Variants in SPATS1 observed in about 807,000 individuals in gnomAD.
SPATS1 encodes spermatogenesis associated serine rich 1.
Under a neutral mutation model 33.6 loss-of-function variants are expected in SPATS1, and 23 were observed. The observed-to-expected ratio is 0.68, with a 90% CI of 0.49 to 0.97. The LOEUF is 0.97. Ranked by LOEUF, SPATS1 falls within the 50% of genes least tolerant of loss-of-function variation. SPATS1 has a pLI of 0.00. For missense variants in SPATS1, 327 were observed against 361.0 expected (o/e 0.91, Z 0.76); for synonymous variants, 131 against 125.6 (o/e 1.04, Z -0.29).
chr6:44,354,037 CAA>C (rs34531075), intron 3 of SPATS1, among the ~76,000 whole-genome samples: 1 of 99,102 alleles, frequency 1.0e-5, no homozygotes, highest in East Asian at 3.0e-4. Context: ...GACTTCGCCT[CAA>C]AAAAAAAAAA....
intron 2 of SPATS1, 132 bp downstream of exon 2, chr6:44,343,366 CTGCTTGAATAGTAGCTTATGTTTG>C: frequency 9.6e-7 from 1 of 1,041,198 alleles, no homozygotes. Flanking sequence ...GTAAAAAGAG[CTGCTTGAATAGTAGCTTATGTTTG>C]TGCTAACCCA....
At chr6:44,353,292 G>C (rs1461080195) in intron 3 of SPATS1, among the ~76,000 whole-genome samples, 6 of 152,196 alleles carry the variant, frequency 3.9e-5, no homozygotes, top group Non-Finnish European at 7.3e-5. Context: ...ATTATCGTAA[G>C]AGTCACAATT....
chr6:44,375,295 G>A (rs1374127935), intron 7 of SPATS1, among the ~76,000 whole-genome samples: 1 of 152,188 alleles, frequency 6.6e-6, no homozygotes, highest in Non-Finnish European at 1.5e-5. Context: ...AGTGGGAAGC[G>A]TTACTACTCT....
At position 44,360,439 on chromosome 6, in the gene SPATS1, T is replaced by C. The variant is rs1272660782; in HGVS notation, c.288-7T>C. ...CACGTGGAAGAATCCTTCTGCTTTC[T>C]TTCCAGCACCACTGCTGACTTGGAT... On this transcript the variant is annotated splice_polypyrimidine_tract_variant and splice_region_variant and intron_variant, in intron 3 of 8. Transcript: ENST00000674044. The C allele has an allele frequency of 6.2e-7, 1 of 1,614,102 alleles. No individual in the cohort carries two copies.
rs541018380 is a variant in SPATS1 at position 44,369,041 on chromosome 6, T to C, written c.695+542T>C. On this transcript the variant is annotated intron_variant, in intron 6 of 8. Coordinates refer to ENST00000674044, the MANE Select transcript of SPATS1 (RefSeq NM_001372081.1). ...CCTCCCGAGTAGCTGGGACTACAGG[T>C]GCCCGCCACCACACCTGGGTAATTT... is the stretch of plus-strand genomic sequence containing the variant. 6.1e-3 allele frequency among the ~76,000 whole-genome samples: 933 copies of C among 151,836 alleles called. 10 individuals carry two copies. The highest frequency in any genetic ancestry group is 0.021 in the African/African-American group (861 of 41,420).
Position 44,343,130 on chromosome 6 carries a change from G to A in SPATS1, c.35G>A (p.Arg12Gln). The A allele has an allele frequency of 2.5e-6, 4 of 1,614,114 alleles. No individual in the cohort carries two copies. ...SPSMLTGNSPRGCRLPSISST... is the reference protein window; with the variant it reads ...SPSMLTGNSPQGCRLPSISST... ...TCCATGCTCACTGGAAACAGTCCAC[G>A]GGGCTGCCGTCTCCCCTCCATCTCA... The change falls in exon 2 of 9, where the codon CGG becomes CAG. Residue 12 changes from arginine to glutamine, a missense_variant. Coordinates refer to ENST00000674044, the MANE Select transcript of SPATS1 (RefSeq NM_001372081.1).
chr6:44,361,288 G>A, intron 4 of SPATS1: 1 of 967,188 alleles, frequency 1.0e-6, no homozygotes, highest in Non-Finnish European at 1.2e-6. Flanking sequence ...GGCACTGCAA[G>A]GTCCAGAAAC....
At chr6:44,345,446 T>A (rs1382857723) in intron 2 of SPATS1, among the ~76,000 whole-genome samples, 3 of 152,144 alleles carry the variant, frequency 2.0e-5, no homozygotes, top group Non-Finnish European at 4.4e-5. Context: ...GCTCGCTGCT[T>A]AGGGAAATGC....
Position 44,357,347 on chromosome 6 carries a change from T to G in SPATS1, c.288-3099T>G, listed in dbSNP as rs1788653142. Among the ~76,000 whole-genome samples, 2 of 152,118 alleles carry G rather than the reference T, an allele frequency of 1.3e-5. 1 individual carries two copies. Among genetic ancestry groups the G allele is most frequent in the South Asian group, 4.1e-4 (2 of 4,820 alleles). On this transcript the variant is annotated intron_variant, in intron 3 of 8. Transcript: ENST00000674044. Reference sequence around the variant, plus strand: ...TGCTATTCTCCTTTTTCTGGGGAATTGATTTTCACTCCTTCCTTACCCAGT... The same window carrying G: ...TGCTATTCTCCTTTTTCTGGGGAATGGATTTTCACTCCTTCCTTACCCAGT...
intron 7 of SPATS1, among the ~76,000 whole-genome samples, chr6:44,372,232 G>T (rs1264618017): frequency 7.0e-6 from 1 of 143,474 alleles, no homozygotes; most frequent in Non-Finnish European, 1.5e-5. Context: ...CCAGCCTGGC[G>T]ACAGAGTGAG....
intron 3 of SPATS1, among the ~76,000 whole-genome samples, chr6:44,354,153 G>A (rs965555248): frequency 4.6e-5 from 7 of 151,532 alleles, no homozygotes; most frequent in Admixed American, 4.6e-4. Context: ...GGGCAACACA[G>A]TGAGACTCCA....
intron 3 of SPATS1, among the ~76,000 whole-genome samples, chr6:44,358,270 A>G (rs1341471609): frequency 2.0e-5 from 3 of 152,204 alleles, no homozygotes; most frequent in Non-Finnish European, 2.9e-5. Flanking sequence ...TGACTTGATA[A>G]CAGATCATTG....
intron 7 of SPATS1, among the ~76,000 whole-genome samples, chr6:44,373,781 T>A (rs769209596): frequency 6.6e-6 from 1 of 152,240 alleles, no homozygotes; most frequent in Non-Finnish European, 1.5e-5. Context: ...GTCCCTATAA[T>A]GTGCAGTACG....
Position 44,377,038 on chromosome 6 carries a change from C to T in SPATS1, c.878C>T (p.Ala293Val), listed in dbSNP as rs772768058. 1 of 1,614,200 alleles carries T rather than the reference C, an allele frequency of 6.2e-7. No homozygotes were observed. Among genetic ancestry groups the T allele is most frequent in the South Asian group, 1.1e-5 (1 of 91,088 alleles). Residue 293 changes from alanine (A) to valine (V), a missense_variant, in exon 9 of 9, where the codon GCT becomes GTT. Physicochemically the swap from Ala to Val is moderately conservative, Grantham distance 64 (BLOSUM62 0). Transcript: ENST00000674044. ...AACTCCATGCCTCTATCCACAGGTG[C>T]TTTGGACTTTCCAAGACAATCCTGA... ...PLMHMLHLSGALDFPRQS is the reference protein window; with the variant it reads ...PLMHMLHLSGVLDFPRQS
intron 2 of SPATS1, among the ~76,000 whole-genome samples, chr6:44,352,262 C>T (rs2153365986): frequency 6.6e-6 from 1 of 152,272 alleles, no homozygotes; most frequent in South Asian, 2.1e-4. Context: ...TCCCAAATAG[C>T]TGGGATTACA....
chr6:44,370,094 C>A lies in SPATS1; in HGVS notation c.739C>A (p.Pro247Thr), dbSNP rs1472556728. ...KKFDTFIPLE[P>T]LPQIPNLPFW... Reference sequence around the variant, plus strand: ...ATTTGATACATTTATTCCACTTGAGCCTCTTCCACAAATTCCCAAGTGAGT... The same window carrying A: ...ATTTGATACATTTATTCCACTTGAGACTCTTCCACAAATTCCCAAGTGAGT... The change falls in exon 7 of 9, where the codon CCT (proline) becomes ACT (threonine). Residue 247 changes from proline to threonine, a missense_variant. Transcript: ENST00000674044. 1 of 1,612,094 alleles carries A rather than the reference C, an allele frequency of 6.2e-7. No individual in the cohort carries two copies. Among genetic ancestry groups the A allele is most frequent in the Admixed American group, 1.7e-5 (1 of 59,936 alleles).
At position 44,343,134 on chromosome 6, in the gene SPATS1, C is replaced by A; in HGVS notation, c.39C>A (p.Gly13=). 6.2e-7 allele frequency: 1 copy of A among 1,614,148 alleles called. No individual in the cohort carries two copies. Among genetic ancestry groups the A allele is most frequent in the Non-Finnish European group, 8.5e-7 (1 of 1,180,006 alleles). ...TGCTCACTGGAAACAGTCCACGGGG[C>A]TGCCGTCTCCCCTCCATCTCAAGCA... The part of the protein sequence containing the change: ...PSMLTGNSPR[G]CRLPSISSTT... The change falls in exon 2 of 9, where the codon GGC becomes GGA. Residue 13 remains glycine, a synonymous_variant. Transcript: ENST00000674044.
Position 44,377,391 on chromosome 6 carries a change from A to G in SPATS1, c.*328A>G. 1 of 342,186 alleles carries G rather than the reference A, an allele frequency of 2.9e-6. No individual in the cohort carries two copies. Among genetic ancestry groups the G allele is most frequent in the Admixed American group, 4.4e-5 (1 of 22,672 alleles). The allele number at this position is 342,186 out of a possible 1,614,324, so 21.2% of individuals were successfully genotyped here. On this transcript the variant is annotated 3_prime_UTR_variant, in exon 9 of 9. Transcript: ENST00000674044. ...AGATATTGTAACCCTTTACACCTGT[A>G]TACCTACATACCTCAGCATGTATCT...
At chr6:44,354,513 A>T (rs1176683348) in intron 3 of SPATS1, among the ~76,000 whole-genome samples, 2 of 152,088 alleles carry the variant, frequency 1.3e-5, no homozygotes, top group Admixed American at 6.6e-5. Context: ...TCTTTTGTAA[A>T]ACCTACTTTT....
Sources: allele counts gnomAD v4.1 joint callset (sites outside exome capture counted in the v4.1 genomes callset), GRCh38; gene constraint gnomAD v4.1.1; transcripts MANE v1.5; gene names NCBI Gene and HGNC (gene_info 2026-07-23, HGNC 2026-07-21).